CWC25: variants seen among roughly 807,000 people sequenced by gnomAD.
The protein encoded by CWC25 is CWC25 spliceosome associated protein, also known as pre-mRNA-splicing factor CWC25 homolog.
In CWC25, 31 loss-of-function variants were observed where a neutral mutation model predicts 54.6. The observed-to-expected ratio is 0.57, with a 90% CI of 0.43 to 0.77. The LOEUF (loss-of-function observed/expected upper bound fraction) is 0.77. Among genes scored for constraint, CWC25 ranks in the 30% least tolerant of loss-of-function variants. The pLI, the probability that CWC25 is intolerant of heterozygous loss-of-function variation, is 0.00. For missense variants in CWC25, 453 were observed against 529.3 expected, an observed-to-expected ratio of 0.86 and a Z score of 1.41; for synonymous variants, 151 against 187.0, an observed-to-expected ratio of 0.81 and a Z score of 1.57.
At chr17:38,823,397 C>T (rs1359298103) in intron 1 of CWC25, among the ~76,000 whole-genome samples, 2 of 150,476 alleles carry the variant, frequency 1.3e-5, no homozygotes, top group African/African-American at 2.4e-5. Context: ...GACCTCGTGA[C>T]CCACCCGCCT....
At chr17:38,810,661 T>C in intron 4 of CWC25, 66 bp from the exon 5 acceptor site, 3 of 814,080 alleles carry the variant, frequency 3.7e-6, no homozygotes, top group Non-Finnish European at 4.2e-6. Flanking sequence ...GGCTCATGCC[T>C]GTAATCCCAG....
intron 1 of CWC25, among the ~76,000 whole-genome samples, chr17:38,824,699 A>G (rs1315003885): frequency 6.6e-6 from 1 of 152,068 alleles, no homozygotes; most frequent in Non-Finnish European, 1.5e-5. Context: ...ATAAAAAATA[A>G]AAAACGACCC....
Position 38,822,085 on chromosome 17 carries a change from C to T in CWC25, c.19-1012G>A, listed in dbSNP as rs142623268. Among the ~76,000 whole-genome samples, 909 of 151,762 alleles carry T rather than the reference C, an allele frequency of 6.0e-3. 7 individuals are homozygous for T. The highest frequency in any genetic ancestry group is 9.7e-3 in the Non-Finnish European group (657 of 67,938). On this transcript the variant is annotated intron_variant, in intron 1 of 9. Transcript: ENST00000614790. ...GCCCAGCCTTTTTTGTTTCTTGAGA[C>T]GGAGTTTCACTCTTCTTGCCTAGGC...
intron 2 of CWC25, among the ~76,000 whole-genome samples, chr17:38,817,568 C>T (rs1911752597): frequency 6.6e-6 from 1 of 151,946 alleles, no homozygotes; most frequent in Non-Finnish European, 1.5e-5. Flanking sequence ...ATGGGCGGAT[C>T]ACAAGGTCAA....
At chr17:38,821,437 G>A (rs1305498727) in intron 1 of CWC25, among the ~76,000 whole-genome samples, 4 of 152,166 alleles carry the variant, frequency 2.6e-5, no homozygotes, top group Non-Finnish European at 5.9e-5. Context: ...AGGTGCGCCT[G>A]TAGTCCCGGC....
In CWC25 at chr17:38,802,086, C is replaced by G. The variant is rs773399511; in HGVS notation, c.*6G>C. On this transcript the variant is annotated 3_prime_UTR_variant, in exon 10 of 10. Coordinates refer to ENST00000614790, the MANE Select transcript of CWC25 (RefSeq NM_017748.5). ...GCAGGAAAACCAATAAGAGAGGGGACAGTTTTCATCTTTTCATAAAGTTCT... is the reference window on the plus strand; with the variant it reads ...GCAGGAAAACCAATAAGAGAGGGGAGAGTTTTCATCTTTTCATAAAGTTCT... 1.3e-6 allele frequency: 2 copies of G among 1,562,484 alleles called. No homozygotes were observed. Among genetic ancestry groups the G allele is most frequent in the South Asian group, 2.2e-5 (2 of 89,658 alleles).
chr17:38,809,837 G>C, intron 5 of CWC25, 72 bp from the exon 6 acceptor site: 1 of 1,385,540 alleles, frequency 7.2e-7, no homozygotes, highest in Non-Finnish European at 1.0e-6. Context: ...ATCTTATGCT[G>C]AACTATGCTT....
At chr17:38,803,499 G>A (rs1257660582) in intron 8 of CWC25, among the ~76,000 whole-genome samples, 1 of 152,032 alleles carries the variant, frequency 6.6e-6, no homozygotes, top group Non-Finnish European at 1.5e-5. Flanking sequence ...GTGTGGTGGT[G>A]TGTGCCTGTA....
chr17:38,824,552 G>C (rs1912063112), intron 1 of CWC25, among the ~76,000 whole-genome samples: 1 of 152,164 alleles, frequency 6.6e-6, no homozygotes, highest in Non-Finnish European at 1.5e-5. Context: ...CGGGTGTGGT[G>C]GCGCATGCCT....
Position 38,810,579 on chromosome 17 carries a change from T to A in CWC25, c.515A>T (p.Glu172Val). Reference sequence around the variant, plus strand: ...CTTCTTTTTCTTCTTCTCCTTTTTTTCCAGACTCATTTGCAACTGGAAAAT... The same window carrying A: ...CTTCTTTTTCTTCTTCTCCTTTTTTACCAGACTCATTTGCAACTGGAAAAT... Reference protein sequence around the residue: ...KIKELLQMSLEKKEKKKKKEK... With the variant: ...KIKELLQMSLVKKEKKKKKEK... The change falls in exon 5 of 10, where the codon GAA (glutamate) becomes GTA (valine). Residue 172 changes from glutamate (E) to valine (V), a missense_variant. Glu to Val is a moderately radical substitution (Grantham distance 121). This residue lies in a region of CWC25 where 444 missense variants were observed against 499.2 expected (regional missense o/e 0.89). Transcript: ENST00000614790. The A allele has an allele frequency of 6.6e-7, 1 of 1,512,436 alleles. No homozygotes were observed. The highest frequency in any genetic ancestry group is 9.0e-7 in the Non-Finnish European group (1 of 1,107,624). 93.7% of individuals were successfully genotyped at this position (1,512,436 alleles called of 1,614,324 possible). A position where few individuals can be genotyped will look rare whatever the true frequency, so the allele number is the denominator to read the frequency against.
intron 4 of CWC25, among the ~76,000 whole-genome samples, chr17:38,812,024 C>T (rs1398735590): frequency 6.6e-6 from 1 of 151,844 alleles, no homozygotes; most frequent in Non-Finnish European, 1.5e-5. Flanking sequence ...CAGCAAACTC[C>T]ATCTCCCGGG....
At chr17:38,807,429 T>C (rs1366393749) in intron 6 of CWC25, among the ~76,000 whole-genome samples, 1 of 139,184 alleles carries the variant, frequency 7.2e-6, no homozygotes, top group African/African-American at 2.6e-5. Flanking sequence ...GAGAACTGTA[T>C]AAACTTAGTT....
chr17:38,812,842 G>T lies in CWC25; in HGVS notation c.451C>A (p.Arg151=). The T allele has an allele frequency of 6.6e-7, 1 of 1,523,704 alleles. No individual in the cohort carries two copies. Among genetic ancestry groups the T allele is most frequent in the Non-Finnish European group, 8.9e-7 (1 of 1,122,300 alleles). The allele number at this position is 1,523,704 out of a possible 1,614,324, so 94.4% of individuals were successfully genotyped here. ...IIRKKEEEKK[R]EVLNNPVKMK... is the part of the protein sequence containing the mutation. The stretch of plus-strand genomic sequence containing the variant: ...TTCACTGGATTATTTAATACCTCTC[G>T]TTTTTTCTCCTCCTCCTTCTTCCTA... The change falls in exon 4 of 10, where the codon CGA becomes AGA. Residue 151 remains arginine (R), a synonymous_variant. Coordinates refer to ENST00000614790, the MANE Select transcript of CWC25 (RefSeq NM_017748.5).
At chr17:38,807,092 C>CA (rs1555547727) in intron 6 of CWC25, 116 bp from the exon 7 acceptor site, 1 of 692,998 alleles carries the variant, frequency 1.4e-6, no homozygotes, top group African/African-American at 1.9e-5. Flanking sequence ...GAGGCCGAGG[C>CA]GGGGGGGATC....
chr17:38,815,425 C>T (rs919918356), intron 2 of CWC25, among the ~76,000 whole-genome samples: 1 of 152,064 alleles, frequency 6.6e-6, no homozygotes, highest in East Asian at 1.9e-4. Flanking sequence ...GGCGTGGTGG[C>T]GGACGCCTGT....
intron 8 of CWC25, among the ~76,000 whole-genome samples, chr17:38,805,355 T>C (rs1911191847): frequency 6.6e-6 from 1 of 152,190 alleles, no homozygotes; most frequent in African/African-American, 2.4e-5. Context: ...ATTTGTATTT[T>C]TAGGAATATG....
rs761968121 is a variant in CWC25, at chr17:38,809,758, T to C, written c.634A>G (p.Lys212Glu). The C allele has an allele frequency of 3.1e-6, 5 of 1,613,864 alleles. No individual in the cohort carries two copies. The highest frequency in any genetic ancestry group is 4.2e-6 in the Non-Finnish European group (5 of 1,179,804). ...EDEHSAGRSQKKMANSSPVLS... is the reference protein window; with the variant it reads ...EDEHSAGRSQEKMANSSPVLS... ...ACAGGGGAGGAATTTGCCATCTTCT[T>C]CTGTGATCTAAGAGATCAAAATACA... is the stretch of plus-strand genomic sequence containing the variant. Residue 212 changes from lysine to glutamate, a missense_variant, in exon 6 of 10, where the codon AAG becomes GAG. Lys to Glu is a moderately conservative substitution (Grantham distance 56). Around this residue, in one of 2 missense-constraint regions of CWC25, gnomAD observed 444 missense variants for 499.2 expected, o/e 0.89. Transcript: ENST00000614790.
chr17:38,805,299 G>T (rs1357473191), intron 8 of CWC25, among the ~76,000 whole-genome samples: 2 of 151,844 alleles, frequency 1.3e-5, no homozygotes, highest in Non-Finnish European at 2.9e-5. Context: ...AAAGAAAAAA[G>T]AAAATATCTA....
At chr17:38,824,512 C>T (rs894032007) in intron 1 of CWC25, among the ~76,000 whole-genome samples, 1 of 151,888 alleles carries the variant, frequency 6.6e-6, no homozygotes, top group African/African-American at 2.4e-5. Context: ...CATGGAGAAA[C>T]CCTGTCTCTA....
Sources: allele counts gnomAD v4.1 joint callset (sites outside exome capture counted in the v4.1 genomes callset), GRCh38; gene constraint gnomAD v4.1.1; regional missense constraint gnomAD v4.1.1; transcripts MANE v1.5; gene names NCBI Gene and HGNC (gene_info 2026-07-23, HGNC 2026-07-21).